The following SSH3 variants were observed in gnomAD, a reference collection of about 807,000 sequenced individuals.
SSH3 encodes slingshot protein phosphatase 3.
SSH3 carries 67 observed loss-of-function variants against 75.0 expected under a neutral mutation model. The observed-to-expected ratio is 0.89, with a 90% CI of 0.73 to 1.10. SSH3 has a LOEUF of 1.10. Ranked by LOEUF, SSH3 falls within the 50% of genes least tolerant of loss-of-function variation. The pLI is 0.00. For synonymous variants in SSH3, 318 were observed against 349.2 expected (o/e 0.91, Z 1.00); for missense variants, 824 against 872.7 (o/e 0.94, Z 0.70).
In SSH3 at chr11:67,308,353, C is replaced by T. The variant is rs981159250; in HGVS notation, c.1014+51C>T. 1.8e-5 allele frequency: 29 copies of T among 1,613,400 alleles called. No individual in the cohort carries two copies. Among genetic ancestry groups the T allele is most frequent in the Admixed American group, 1.0e-4 (6 of 59,994 alleles). ...TGGGGACCGCTGGCAGCTGTGAGGG[C>T]GGCAGGCCAGGAGCAGAGGCTGGAG... On this transcript the variant is annotated intron_variant, in intron 9 of 13. Coordinates refer to ENST00000308127, the MANE Select transcript of SSH3 (RefSeq NM_017857.4). This position sits in a 1 kb window ranked among gnomAD's most constrained non-coding sequence, Gnocchi z 4.9.
intron 1 of SSH3, 136 bp downstream of exon 1, chr11:67,303,827 G>A (rs1393919583): frequency 1.1e-6 from 1 of 914,892 alleles, no homozygotes; most frequent in Non-Finnish European, 1.5e-6. Flanking sequence ...GGGCGCTGGG[G>A]GCCTCGAGGG....
In SSH3 at chr11:67,312,015, C is replaced by A; in HGVS notation, c.*128C>A. 1 of 1,241,298 alleles carries A rather than the reference C, an allele frequency of 8.1e-7. No homozygotes were observed. Among genetic ancestry groups the A allele is most frequent in the Non-Finnish European group, 1.1e-6 (1 of 933,578 alleles). 76.9% of individuals were successfully genotyped at this position (1,241,298 alleles called of 1,614,324 possible). On this transcript the variant is annotated 3_prime_UTR_variant, in exon 14 of 14. Coordinates refer to ENST00000308127, the MANE Select transcript of SSH3 (RefSeq NM_017857.4). ...CCCATACCCGTCACTACAGCCTCAC[C>A]TCCCACCCCTGTCACTACGGCCTCA... is the stretch of plus-strand genomic sequence containing the variant.
intron 2 of SSH3, 126 bp from the exon 3 acceptor site, chr11:67,304,647 G>A: frequency 4.2e-6 from 4 of 942,756 alleles, no homozygotes; most frequent in South Asian, 1.6e-5. Context: ...TAGACCTATC[G>A]ACCGCGTGGG....
rs373944304 is a variant in SSH3, at chr11:67,307,721, A to G, written c.775A>G (p.Ser259Gly). 4 of 1,613,832 alleles carry G rather than the reference A, an allele frequency of 2.5e-6. No homozygotes were observed. Among genetic ancestry groups the G allele is most frequent in the Non-Finnish European group, 2.5e-6 (3 of 1,179,990 alleles). The change falls in exon 7 of 14, where the codon AGC becomes GGC. Residue 259 changes from serine to glycine, a missense_variant. Ser to Gly is a moderately conservative substitution (Grantham distance 56). Coordinates refer to ENST00000308127, the MANE Select transcript of SSH3 (RefSeq NM_017857.4). The surrounding 1 kb of genome is among the most constrained non-coding windows in gnomAD (Gnocchi z 4.2). Reference protein sequence around the residue: ...MADLESLRPPSAEPGGSSEQE... With the variant: ...MADLESLRPPGAEPGGSSEQE... ...CGACCTGGAGTCTCTGCGGCCTCCC[A>G]GCGCCGAGCCTGGCGGGTCAGTGTG...
chr11:67,310,448 C>G (rs946634184), intron 13 of SSH3, 109 bp downstream of exon 13: 4 of 1,390,634 alleles, frequency 2.9e-6, no homozygotes, highest in South Asian at 1.5e-5. Flanking sequence ...AGGGCGTACC[C>G]GGGCTAAGTC....
intron 13 of SSH3, 51 bp from the exon 14 acceptor site, chr11:67,311,540 C>T (rs558591650): frequency 8.7e-6 from 14 of 1,605,762 alleles, no homozygotes; most frequent in African/African-American, 1.3e-5. Flanking sequence ...GCTTGGGCAC[C>T]CCTGCCCCAG....
Position 67,303,567 on chromosome 11 carries a change from G to C in SSH3, c.-59G>C. 6.7e-7 allele frequency: 1 copy of C among 1,492,024 alleles called. No homozygotes were observed. The highest frequency in any genetic ancestry group is 1.2e-5 in the South Asian group (1 of 81,972). The allele number at this position is 1,492,024 out of a possible 1,614,324, so 92.4% of individuals were successfully genotyped here. On this transcript the variant is annotated 5_prime_UTR_variant, in exon 1 of 14. Transcript: ENST00000308127. ...TGGTCCTGCGGGTCCAGGACTGTCC[G>C]CGGGGTTGAGGGAAGGGGCCGTGCC...
chr11:67,311,524 C>T, intron 13 of SSH3, 67 bp from the exon 14 acceptor site: 1 of 1,589,190 alleles, frequency 6.3e-7, no homozygotes, highest in Non-Finnish European at 8.6e-7. Flanking sequence ...ATCTTCCCGG[C>T]TCTGTGCTTG....
chr11:67,304,923 C>T lies in SSH3; in HGVS notation c.255C>T (p.Ser85=). ...HGDQTDFGQG[S]QSPQKQEEQR... ...ACCAGACAGACTTCGGGCAAGGATC[C>T]CAGAGTCCCCAGAAGCAGGAGGAGC... Residue 85 remains serine (S), a synonymous_variant, in exon 3 of 14, where the codon TCC becomes TCT. Coordinates refer to ENST00000308127, the MANE Select transcript of SSH3 (RefSeq NM_017857.4). 1 of 1,613,704 alleles carries T rather than the reference C, an allele frequency of 6.2e-7. No individual in the cohort carries two copies. The highest frequency in any genetic ancestry group is 8.5e-7 in the Non-Finnish European group (1 of 1,179,986).
intron 1 of SSH3, 185 bp downstream of exon 1, chr11:67,303,876 C>A (rs1176537037): frequency 2.6e-6 from 2 of 756,782 alleles, no homozygotes; most frequent in African/African-American, 1.9e-5. Flanking sequence ...CAGAGCCCTG[C>A]GCGCCGCCCG....
chr11:67,312,048 C>A lies in SSH3; in HGVS notation c.*161C>A. On this transcript the variant is annotated 3_prime_UTR_variant, in exon 14 of 14. Coordinates refer to ENST00000308127, the MANE Select transcript of SSH3 (RefSeq NM_017857.4). ...CCTGTCACTACGGCCTCACCTCCCA[C>A]CCCTGTCACTACAGCCTCACCTCCT... 1.1e-6 allele frequency: 1 copy of A among 945,942 alleles called. No homozygotes were observed. Among genetic ancestry groups the A allele is most frequent in the Non-Finnish European group, 1.5e-6 (1 of 653,014 alleles). 58.6% of individuals were successfully genotyped at this position (945,942 alleles called of 1,614,324 possible).
chr11:67,309,268 A>G, intron 10 of SSH3, 129 bp from the exon 11 acceptor site: 1 of 1,181,496 alleles, frequency 8.5e-7, no homozygotes, highest in Non-Finnish European at 1.2e-6. Flanking sequence ...TTCTCCTCCC[A>G]CTGTCACTGC....
Position 67,311,903 on chromosome 11 carries a change from C to T in SSH3, c.*16C>T, listed in dbSNP as rs750162863. 6.2e-6 allele frequency: 10 copies of T among 1,604,658 alleles called. No individual in the cohort carries two copies. In the South Asian group the frequency reaches 1.1e-4, roughly 18 times the overall value. On this transcript the variant is annotated 3_prime_UTR_variant, in exon 14 of 14. Transcript: ENST00000308127. ...CGAGGCCTGAGCCCTCACACATGCC[C>T]ACGCTCCCCTGACACTGAAGAGGAT...
At chr11:67,304,702 C>A in intron 2 of SSH3, 71 bp from the exon 3 acceptor site, 1 of 1,441,076 alleles carries the variant, frequency 6.9e-7, no homozygotes, top group Non-Finnish European at 9.5e-7. Context: ...GAATGTGATG[C>A]ATGCTAGACT....
At position 67,307,243 on chromosome 11, in the gene SSH3, G is replaced by C; in HGVS notation, c.537-128G>C. On this transcript the variant is annotated intron_variant, in intron 5 of 13. Transcript: ENST00000308127. This position sits in a 1 kb window ranked among gnomAD's most constrained non-coding sequence, Gnocchi z 4.2. The stretch of plus-strand genomic sequence containing the variant: ...CTCTGGGGCCTGCTCCCAGCTCCAC[G>C]TCAGATTCACCGTGATCCTGAGCAA... The C allele has an allele frequency of 2.6e-6, 4 of 1,554,620 alleles. No homozygotes were observed. Among genetic ancestry groups the C allele is most frequent in the Non-Finnish European group, 3.5e-6 (4 of 1,150,834 alleles).
intron 10 of SSH3, chr11:67,309,148 C>G: frequency 1.9e-6 from 1 of 534,438 alleles, no homozygotes; most frequent in Non-Finnish European, 3.4e-6. Context: ...CTGAGAATAA[C>G]TGAAGGGCTG....
At chr11:67,303,942 C>G in intron 1 of SSH3, 176 bp from the exon 2 acceptor site, 3 of 910,380 alleles carry the variant, frequency 3.3e-6, no homozygotes, top group Non-Finnish European at 4.7e-6. Flanking sequence ...GCCCACCCAG[C>G]CGACCTGGCC....
At position 67,307,793 on chromosome 11, in the gene SSH3, G is replaced by A; in HGVS notation, c.792-53G>A. 11 of 1,613,978 alleles carry A rather than the reference G, an allele frequency of 6.8e-6. No homozygotes were observed. Among genetic ancestry groups the A allele is most frequent in the Non-Finnish European group, 7.6e-6 (9 of 1,179,984 alleles). ...AGGGGAAGGCAGGATAATGCAGTGG[G>A]GGGCATGGTGGAGAGGGGAAAGGGC... On this transcript the variant is annotated intron_variant, in intron 7 of 13. Transcript: ENST00000308127. The surrounding 1 kb of genome is among the most constrained non-coding windows in gnomAD (Gnocchi z 4.2).
At position 67,307,013 on chromosome 11, in the gene SSH3, A is replaced by G; in HGVS notation, c.465-29A>G. On this transcript the variant is annotated intron_variant, in intron 4 of 13. Transcript: ENST00000308127. This position sits in a 1 kb window ranked among gnomAD's most constrained non-coding sequence, Gnocchi z 4.2. ...GGCAAAGAGGTGAGGGACAGGGGGG[A>G]CAATGGCTTTCCCTCTGTCCCCTGC... is the stretch of plus-strand genomic sequence containing the variant. 6.2e-7 allele frequency: 1 copy of G among 1,613,658 alleles called. No homozygotes were observed. The highest frequency in any genetic ancestry group is 8.5e-7 in the Non-Finnish European group (1 of 1,179,756).
Sources: allele counts gnomAD v4.1 joint callset, GRCh38; gene constraint gnomAD v4.1.1; non-coding constraint Gnocchi (gnomAD v3.1); transcripts MANE v1.5; gene names NCBI Gene and HGNC (gene_info 2026-07-23, HGNC 2026-07-21).